ZNF704: variants seen among roughly 807,000 people sequenced by gnomAD.
ZNF704 encodes glucocorticoid induced gene 1.
ZNF704 carries 10 observed loss-of-function variants against 44.7 expected under a neutral mutation model. That is an observed-to-expected ratio of 0.22 (90% CI 0.14 to 0.38). The LOEUF is 0.38. Ranked by LOEUF, ZNF704 falls within the 10% of genes least tolerant of loss-of-function variation. The probability of loss-of-function intolerance (pLI) is 1.00; values close to 1 mark genes in which losing one functional copy is unlikely to be tolerated. For missense variants in ZNF704, 390 were observed against 545.5 expected (o/e 0.71, Z 2.84); for synonymous variants, 211 against 207.6 (o/e 1.02, Z -0.14).
intron 7 of ZNF704, among the ~76,000 whole-genome samples, chr8:80,651,923 C>T (rs1001653344): frequency 6.6e-6 from 1 of 152,154 alleles, no homozygotes; most frequent in African/African-American, 2.4e-5. Context: ...GGAAGTAAAG[C>T]ACTCCTCAGC....
chr8:80,776,132 C>T (rs922870672), intron 2 of ZNF704, among the ~76,000 whole-genome samples: 1 of 151,666 alleles, frequency 6.6e-6, no homozygotes, highest in East Asian at 1.9e-4. Context: ...AGCTCACTTG[C>T]AGTGTTTCAC....
At chr8:80,747,614 A>C (rs1806868247) in intron 2 of ZNF704, among the ~76,000 whole-genome samples, 1 of 152,248 alleles carries the variant, frequency 6.6e-6, no homozygotes, top group African/African-American at 2.4e-5. Flanking sequence ...GTGTACACTC[A>C]GGCTGAATGA....
In ZNF704 at chr8:80,874,650, C is replaced by T. The variant is rs1809333022; in HGVS notation, c.-101G>A. The stretch of plus-strand genomic sequence containing the variant: ...AACGCTTAACCGCAGCCCATTCTTC[C>T]CTCCGGAGGGAGGGGAGTAGACTTC... On this transcript the variant is annotated 5_prime_UTR_variant, in exon 1 of 9. Coordinates refer to ENST00000327835, the MANE Select transcript of ZNF704 (RefSeq NM_001033723.3). The surrounding 1 kb of genome is among the most constrained non-coding windows in gnomAD (Gnocchi z 4.4). The T allele has an allele frequency of 6.6e-6, 1 of 152,082 alleles. No individual in the cohort carries two copies. Among genetic ancestry groups the T allele is most frequent in the Non-Finnish European group, 1.5e-5 (1 of 68,012 alleles). 9.4% of individuals were successfully genotyped at this position (152,082 alleles called of 1,614,324 possible).
chr8:80,811,969 T>C (rs1279448775), intron 2 of ZNF704, among the ~76,000 whole-genome samples: 1 of 152,168 alleles, frequency 6.6e-6, no homozygotes. Flanking sequence ...TGCACACTCC[T>C]TATAATAATC....
At chr8:80,752,260 T>G (rs934667477) in intron 2 of ZNF704, among the ~76,000 whole-genome samples, 3 of 151,990 alleles carry the variant, frequency 2.0e-5, no homozygotes, top group Non-Finnish European at 2.9e-5. Context: ...CAAATCAACA[T>G]TGATCTGCAA....
chr8:80,838,436 C>T (rs1167578289), intron 1 of ZNF704, among the ~76,000 whole-genome samples: 1 of 152,098 alleles, frequency 6.6e-6, no homozygotes, highest in Non-Finnish European at 1.5e-5. Context: ...TCTGAGAGAC[C>T]TAGAAACTGA....
intron 4 of ZNF704, among the ~76,000 whole-genome samples, chr8:80,674,417 A>C (rs2131619036): frequency 6.6e-6 from 1 of 152,350 alleles, no homozygotes; most frequent in East Asian, 1.9e-4. Context: ...CAGGCTGCAT[A>C]TGAAGCATGG....
At chr8:80,684,226 A>C (rs975937211) in intron 4 of ZNF704, among the ~76,000 whole-genome samples, 2 of 152,236 alleles carry the variant, frequency 1.3e-5, no homozygotes, top group Non-Finnish European at 2.9e-5. Flanking sequence ...AAATTGTATT[A>C]TCTCTTTATA....
intron 7 of ZNF704, among the ~76,000 whole-genome samples, chr8:80,646,374 C>T (rs1817834034): frequency 6.6e-6 from 1 of 151,508 alleles, no homozygotes; most frequent in African/African-American, 2.4e-5. Context: ...AGCTACTCAG[C>T]TGAGGTGGGA....
chr8:80,648,728 T>G (rs951844766), intron 7 of ZNF704, among the ~76,000 whole-genome samples: 2 of 152,210 alleles, frequency 1.3e-5, no homozygotes, highest in African/African-American at 4.8e-5. Flanking sequence ...CCATATGTTA[T>G]CTATTTTAAT....
chr8:80,821,326 C>T (rs754121656), intron 2 of ZNF704, 48 bp downstream of exon 2: 2 of 1,573,712 alleles, frequency 1.3e-6, no homozygotes, highest in Admixed American at 1.7e-5. Context: ...TGCATGCTCT[C>T]CACCAACTTC....
At chr8:80,796,590 C>CGA (rs1437316454) in intron 2 of ZNF704, among the ~76,000 whole-genome samples, 1 of 152,218 alleles carries the variant, frequency 6.6e-6, no homozygotes, top group East Asian at 1.9e-4. Context: ...CCAAAGTCCT[C>CGA]ACTGGTTCCA....
chr8:80,710,970 T>A, intron 2 of ZNF704, among the ~76,000 whole-genome samples: 1 of 152,222 alleles, frequency 6.6e-6, no homozygotes, highest in Admixed American at 6.5e-5. Context: ...GTACCAGGCA[T>A]GTGAGCTGCA....
intron 2 of ZNF704, among the ~76,000 whole-genome samples, chr8:80,696,456 C>T (rs1483422514): frequency 6.6e-6 from 1 of 152,126 alleles, no homozygotes. Context: ...CTTGCTCTGT[C>T]ACCCAGGCTG....
At chr8:80,804,063 C>A (rs780099105) in intron 2 of ZNF704, among the ~76,000 whole-genome samples, 2 of 151,948 alleles carry the variant, frequency 1.3e-5, no homozygotes, top group African/African-American at 4.8e-5. Context: ...ATGTGGCCAA[C>A]AAACATATGA....
intron 5 of ZNF704, among the ~76,000 whole-genome samples, chr8:80,666,334 T>C (rs1421530964): frequency 1.3e-5 from 2 of 151,818 alleles, no homozygotes; most frequent in Non-Finnish European, 2.9e-5. Flanking sequence ...ATGGTGTATA[T>C]GTGCCACATT....
At chr8:80,745,310 C>T (rs1434693758) in intron 2 of ZNF704, among the ~76,000 whole-genome samples, 2 of 152,102 alleles carry the variant, frequency 1.3e-5, no homozygotes, top group Admixed American at 6.5e-5. Context: ...GCAATGTTAT[C>T]GTTGGCTATA....
rs564576738 is a variant in ZNF704 at position 80,636,949 on chromosome 8, A to G, written c.*4417T>C. On this transcript the variant is annotated 3_prime_UTR_variant, in exon 9 of 9. Coordinates refer to ENST00000327835, the MANE Select transcript of ZNF704 (RefSeq NM_001033723.3). Reference sequence around the variant, plus strand: ...GGAATTCTGCTGATAGCTAATAAACAGTCATCCATTGGGTAATGATAAAAA... The same window carrying G: ...GGAATTCTGCTGATAGCTAATAAACGGTCATCCATTGGGTAATGATAAAAA... 2 of 152,336 alleles carry G rather than the reference A, an allele frequency of 1.3e-5. No individual in the cohort carries two copies. The highest frequency in any genetic ancestry group is 2.1e-4 in the South Asian group (1 of 4,818). 9.4% of individuals were successfully genotyped at this position (152,336 alleles called of 1,614,324 possible).
chr8:80,838,277 C>T (rs935464261), intron 1 of ZNF704, among the ~76,000 whole-genome samples: 2 of 152,182 alleles, frequency 1.3e-5, no homozygotes, highest in African/African-American at 2.4e-5. Flanking sequence ...ATTTCAAAAA[C>T]GCAGTTAGAA....
Sources: allele counts gnomAD v4.1 joint callset (sites outside exome capture counted in the v4.1 genomes callset), GRCh38; gene constraint gnomAD v4.1.1; non-coding constraint Gnocchi (gnomAD v3.1); transcripts MANE v1.5; gene names NCBI Gene and HGNC (gene_info 2026-07-23, HGNC 2026-07-21).